FOCAD: variants seen among roughly 807,000 people sequenced by gnomAD.
FOCAD encodes the protein focadhesin.
In FOCAD, 198 loss-of-function variants were observed where a neutral mutation model predicts 225.6. That is an observed-to-expected ratio of 0.88 (90% CI 0.78 to 0.99). The LOEUF (loss-of-function observed/expected upper bound fraction) is 0.99, where lower values mean the gene tolerates loss of function less well. Ranked by LOEUF, FOCAD falls within the 50% of genes least tolerant of loss-of-function variation. The probability of loss-of-function intolerance (pLI) is 0.00; values close to 1 mark genes in which losing one functional copy is unlikely to be tolerated. For synonymous variants in FOCAD, 897 were observed against 755.0 expected (o/e 1.19, Z -3.08); for missense variants, 2,713 against 2,123.6 (o/e 1.28, Z -5.46).
intron 15 of FOCAD, among the ~76,000 whole-genome samples, chr9:20,847,803 A>T (rs1197953126): frequency 6.6e-6 from 1 of 152,146 alleles, no homozygotes; most frequent in Admixed American, 6.6e-5. Flanking sequence ...TGAAAGAATG[A>T]TCACTTTGCC....
chr9:20,768,682 A>G lies in FOCAD; in HGVS notation c.700-1350A>G, dbSNP rs12351081. ...ATTTAAATTTTAAAATACAAGCTTT[A>G]GAAATAACCATGCAACCTTGTTGAC... On this transcript the variant is annotated intron_variant, in intron 7 of 43. Coordinates refer to ENST00000338382, the MANE Select transcript of FOCAD (RefSeq NM_001375567.1). 9.9e-3 allele frequency among the ~76,000 whole-genome samples: 1,506 copies of G among 152,300 alleles called. 26 individuals carry two copies. The highest frequency in any genetic ancestry group is 0.035 in the African/African-American group (1,444 of 41,544).
intron 11 of FOCAD, among the ~76,000 whole-genome samples, chr9:20,807,448 AC>A (rs1271432139): frequency 6.6e-6 from 1 of 152,272 alleles, no homozygotes; most frequent in Non-Finnish European, 1.5e-5. Context: ...TCTGGCAGCC[AC>A]ATTAAAAAGT....
intron 2 of FOCAD, among the ~76,000 whole-genome samples, chr9:20,676,238 G>A (rs930796168): frequency 3.3e-5 from 5 of 152,278 alleles, no homozygotes; most frequent in Middle Eastern, 3.4e-3. Flanking sequence ...CATTTACTCT[G>A]GTGGACTTAA....
chr9:20,985,831 T>C (rs1841103200), intron 39 of FOCAD, among the ~76,000 whole-genome samples: 1 of 152,214 alleles, frequency 6.6e-6, no homozygotes, highest in South Asian at 2.1e-4. Flanking sequence ...CAATATACAA[T>C]GAATACTAGT....
At chr9:20,758,871 C>T (rs199883712) in intron 6 of FOCAD, among the ~76,000 whole-genome samples, 7 of 152,234 alleles carry the variant, frequency 4.6e-5, no homozygotes, top group African/African-American at 1.7e-4. Context: ...GAAAACCCCA[C>T]TGACTCAGCC....
At chr9:20,769,229 A>C (rs1817928822) in intron 7 of FOCAD, among the ~76,000 whole-genome samples, 1 of 152,148 alleles carries the variant, frequency 6.6e-6, no homozygotes, top group Admixed American at 6.5e-5. Flanking sequence ...CTCTGTGTAT[A>C]ACTAATAGTC....
In FOCAD at chr9:20,949,623, A is replaced by C. The variant is rs1364760124; in HGVS notation, c.3896A>C (p.Gln1299Pro). ...TTTCAGCTGAAATCAGAAGCCATCCAGACCTCTCATTTTCAAGGCAGACTT... is the reference window on the plus strand; with the variant it reads ...TTTCAGCTGAAATCAGAAGCCATCCCGACCTCTCATTTTCAAGGCAGACTT... ...DVMQLKSEAI[Q>P]TSHFQGRLNE... Residue 1299 changes from glutamine to proline, a missense_variant, in exon 33 of 44, where the codon CAG (glutamine) becomes CCG (proline). Physicochemically the swap from Gln to Pro is moderately conservative, Grantham distance 76. Coordinates refer to ENST00000338382, the MANE Select transcript of FOCAD (RefSeq NM_001375567.1). 1 of 1,613,310 alleles carries C rather than the reference A, an allele frequency of 6.2e-7. No homozygotes were observed. The highest frequency in any genetic ancestry group is 8.5e-7 in the Non-Finnish European group (1 of 1,179,416).
In FOCAD at chr9:20,945,462, G is replaced by A. The variant is rs927243372; in HGVS notation, c.3555+688G>A. Among the ~76,000 whole-genome samples the A allele has an allele frequency of 4.6e-5, 7 of 152,256 alleles. No homozygotes were observed. The South Asian group carries it at 1.2e-3, about 27-fold the overall frequency. ...AACAGATTCTATTTTATCCCAGCCT[G>A]CCCATGAGCTATTGATGAGTACATA... On this transcript the variant is annotated intron_variant, in intron 29 of 43. Transcript: ENST00000338382.
At chr9:20,663,825 C>A (rs960546857) in intron 2 of FOCAD, among the ~76,000 whole-genome samples, 3 of 152,170 alleles carry the variant, frequency 2.0e-5, no homozygotes, top group African/African-American at 4.8e-5. Flanking sequence ...TCTCAAGTAT[C>A]CTTACAAAGT....
At chr9:20,866,888 C>CCTTTTT in intron 17 of FOCAD, 41 bp from the exon 18 acceptor site, 1 of 341,496 alleles carries the variant, frequency 2.9e-6, no homozygotes, top group Non-Finnish European at 4.2e-6. Context: ...TGTTTGCTTG[C>CCTTTTT]TTTTTTTTTT....
chr9:20,669,545 C>T (rs964955094), intron 2 of FOCAD, among the ~76,000 whole-genome samples: 2 of 152,244 alleles, frequency 1.3e-5, no homozygotes, highest in East Asian at 3.9e-4. Flanking sequence ...GAGGCCGAGG[C>T]GGGCAGATCA....
chr9:20,803,276 C>G (rs77928478), intron 11 of FOCAD, among the ~76,000 whole-genome samples: 3,327 of 152,164 alleles, frequency 0.022, 116 homozygotes, highest in African/African-American at 0.076. Flanking sequence ...AGCTCCTTAT[C>G]TCAAGCCTAG....
chr9:20,661,949 A>G (rs972995292), intron 2 of FOCAD, among the ~76,000 whole-genome samples: 1 of 152,198 alleles, frequency 6.6e-6, no homozygotes, highest in Admixed American at 6.5e-5. Flanking sequence ...TATTGACATG[A>G]AAAGATAACC....
intron 24 of FOCAD, among the ~76,000 whole-genome samples, chr9:20,920,029 T>C (rs1376172874): frequency 6.6e-6 from 1 of 151,916 alleles, no homozygotes; most frequent in Non-Finnish European, 1.5e-5. Context: ...ACAGGCAACC[T>C]ACAAAATGGG....
At chr9:20,729,625 A>G (rs957170665) in intron 4 of FOCAD, among the ~76,000 whole-genome samples, 12 of 152,188 alleles carry the variant, frequency 7.9e-5, no homozygotes, top group African/African-American at 2.4e-4. Context: ...TCACTTATAC[A>G]GTAACCATAT....
At chr9:20,955,338 C>T (rs1468744860) in intron 35 of FOCAD, among the ~76,000 whole-genome samples, 1 of 152,098 alleles carries the variant, frequency 6.6e-6, no homozygotes, top group Non-Finnish European at 1.5e-5. Context: ...ATCTGTTAAT[C>T]TGTTTTCTAA....
intron 11 of FOCAD, among the ~76,000 whole-genome samples, chr9:20,798,119 C>G (rs1162450398): frequency 1.8e-4 from 27 of 151,962 alleles, no homozygotes; most frequent in Admixed American, 2.0e-4. Context: ...TGGTTTTTGT[C>G]TTTGGTTCTG....
chr9:20,816,425 C>T (rs59511849), intron 11 of FOCAD, among the ~76,000 whole-genome samples: 5,542 of 152,050 alleles, frequency 0.036, 150 homozygotes, highest in African/African-American at 0.075. Context: ...TTTCATTTGC[C>T]GAAAGTGAGA....
intron 16 of FOCAD, among the ~76,000 whole-genome samples, chr9:20,865,588 A>C (rs4977584): frequency 0.19 from 28,507 of 151,998 alleles, 3,315 homozygotes; most frequent in Non-Finnish European, 0.25. Flanking sequence ...GTATGGCCAC[A>C]TGGAGAAAGG....
Sources: allele counts gnomAD v4.1 joint callset (sites outside exome capture counted in the v4.1 genomes callset), GRCh38; gene constraint gnomAD v4.1.1; transcripts MANE v1.5; gene names NCBI Gene and HGNC (gene_info 2026-07-23, HGNC 2026-07-21).